The following ATRNL1 variants were observed in gnomAD, a reference collection of about 807,000 sequenced individuals.
ATRNL1 encodes the protein attractin like 1, also known as attractin-like protein 1.
Under a neutral mutation model 182.7 loss-of-function variants are expected in ATRNL1, and 95 were observed. That is an observed-to-expected ratio of 0.52 (90% confidence interval 0.44 to 0.62). The LOEUF is 0.62. Among genes scored for constraint, ATRNL1 ranks in the 20% least tolerant of loss-of-function variants. The probability of loss-of-function intolerance (pLI) is 0.00; values close to 1 mark genes in which losing one functional copy is unlikely to be tolerated. For synonymous variants in ATRNL1, 576 were observed against 568.3 expected, an observed-to-expected ratio of 1.01 and a Z score of -0.19; for missense variants, 1,471 against 1,679.5, an observed-to-expected ratio of 0.88 and a Z score of 2.17.
intron 20 of ATRNL1, among the ~76,000 whole-genome samples, chr10:115,397,065 A>T (rs1554955806): frequency 6.6e-6 from 1 of 151,896 alleles, no homozygotes; most frequent in East Asian, 1.9e-4. Context: ...GCTTTTGAGT[A>T]TGGAGCAATA....
At chr10:115,104,572 G>C (rs745549459) in intron 1 of ATRNL1, among the ~76,000 whole-genome samples, 18 of 151,858 alleles carry the variant, frequency 1.2e-4, no homozygotes, top group Non-Finnish European at 2.5e-4. Context: ...ATCCATTTTT[G>C]CTTTGGTTGC....
intron 27 of ATRNL1, among the ~76,000 whole-genome samples, chr10:115,814,640 C>G (rs1270761964): frequency 2.0e-5 from 3 of 152,126 alleles, no homozygotes; most frequent in Non-Finnish European, 4.4e-5. Flanking sequence ...CTTAACATTC[C>G]TGTCTCAGGA....
intron 19 of ATRNL1, among the ~76,000 whole-genome samples, chr10:115,393,062 AC>A (rs1434539878): frequency 2.0e-4 from 30 of 152,202 alleles, no homozygotes; most frequent in African/African-American, 7.2e-4. Context: ...GTGAAGTCCC[AC>A]TCATTAGGCT....
At chr10:115,848,709 C>T (rs1240833334) in intron 28 of ATRNL1, among the ~76,000 whole-genome samples, 1 of 152,206 alleles carries the variant, frequency 6.6e-6, no homozygotes. Flanking sequence ...ACTTAAATTA[C>T]AGACCACACT....
intron 25 of ATRNL1, among the ~76,000 whole-genome samples, chr10:115,538,001 A>C (rs2133775196): frequency 6.6e-6 from 1 of 152,208 alleles, no homozygotes; most frequent in Middle Eastern, 3.4e-3. Flanking sequence ...TGCATTTAAG[A>C]TTCATCCAAG....
intron 9 of ATRNL1, among the ~76,000 whole-genome samples, chr10:115,220,638 G>A (rs1485857718): frequency 6.8e-6 from 1 of 146,626 alleles, no homozygotes; most frequent in Non-Finnish European, 1.5e-5. Flanking sequence ...TTTGGCTAAG[G>A]TTTGTTTGTG....
At chr10:115,607,041 C>T (rs1228378019) in intron 26 of ATRNL1, among the ~76,000 whole-genome samples, 1 of 151,956 alleles carries the variant, frequency 6.6e-6, no homozygotes, top group Non-Finnish European at 1.5e-5. Context: ...TTCTCAATGA[C>T]TTTTTACTCA....
intron 28 of ATRNL1, among the ~76,000 whole-genome samples, chr10:115,935,369 T>C (rs1953525310): frequency 6.6e-6 from 1 of 152,314 alleles, no homozygotes. Flanking sequence ...AATCATAGTT[T>C]TTTTGTATTA....
intron 1 of ATRNL1, among the ~76,000 whole-genome samples, chr10:115,098,576 T>C (rs1270849): frequency 0.67 from 100,181 of 150,036 alleles, 34,083 homozygotes; most frequent in Non-Finnish European, 0.74. Context: ...ATTCTCCTGC[T>C]TCAGCCTCCC....
chr10:115,614,075 G>C (rs1555019942), intron 26 of ATRNL1, among the ~76,000 whole-genome samples: 1 of 151,372 alleles, frequency 6.6e-6, no homozygotes, highest in East Asian at 1.9e-4. Context: ...TTTTCTGTTT[G>C]GTTTCTTCTT....
intron 26 of ATRNL1, among the ~76,000 whole-genome samples, chr10:115,688,985 A>G (rs1447533523): frequency 6.6e-6 from 1 of 152,128 alleles, no homozygotes; most frequent in Non-Finnish European, 1.5e-5. Context: ...GTATGATGAG[A>G]GATAGGGGTC....
At chr10:115,669,494 C>G (rs1945627993) in intron 26 of ATRNL1, among the ~76,000 whole-genome samples, 1 of 152,082 alleles carries the variant, frequency 6.6e-6, no homozygotes. Flanking sequence ...TTCTTTGCAA[C>G]TGACATTCTA....
At chr10:115,503,817 T>A (rs954396164) in intron 24 of ATRNL1, among the ~76,000 whole-genome samples, 5 of 151,968 alleles carry the variant, frequency 3.3e-5, no homozygotes, top group Non-Finnish European at 5.9e-5. Flanking sequence ...ATTATAGGAC[T>A]AAATCTACCC....
intron 26 of ATRNL1, among the ~76,000 whole-genome samples, chr10:115,683,366 T>TTGAGG (rs1284277427): frequency 6.6e-6 from 1 of 151,946 alleles, no homozygotes; most frequent in Non-Finnish European, 1.5e-5. Context: ...AGTATTGAAT[T>TTGAGG]TATTGCCACT....
At chr10:115,303,413 T>TG (rs1347761171) in intron 17 of ATRNL1, among the ~76,000 whole-genome samples, 1 of 151,900 alleles carries the variant, frequency 6.6e-6, no homozygotes, top group African/African-American at 2.4e-5. Context: ...TTTTTAGAGA[T>TG]GGGGTTTCAC....
At chr10:115,517,378 C>T (rs1020356015) in intron 24 of ATRNL1, among the ~76,000 whole-genome samples, 9 of 151,764 alleles carry the variant, frequency 5.9e-5, no homozygotes, top group African/African-American at 2.2e-4. Flanking sequence ...TATCTTCTTA[C>T]AGTATTTTAT....
chr10:115,244,411 C>G (rs189390119), intron 10 of ATRNL1, among the ~76,000 whole-genome samples: 1 of 152,138 alleles, frequency 6.6e-6, no homozygotes, highest in East Asian at 1.9e-4. Flanking sequence ...CAATCATGCT[C>G]ATACCTTGGC....
chr10:115,402,919 C>CAA (rs1164578617), intron 20 of ATRNL1, among the ~76,000 whole-genome samples: 1 of 152,120 alleles, frequency 6.6e-6, no homozygotes, highest in African/African-American at 2.4e-5. Flanking sequence ...CAAAATTCTA[C>CAA]TTTACTAATA....
intron 19 of ATRNL1, among the ~76,000 whole-genome samples, chr10:115,382,893 C>A (rs1554951608): frequency 6.6e-6 from 1 of 151,672 alleles, no homozygotes; most frequent in African/African-American, 2.4e-5. Flanking sequence ...TATTTGTGCA[C>A]CCTTGTCAAG....
Sources: allele counts gnomAD v4.1 joint callset (sites outside exome capture counted in the v4.1 genomes callset), GRCh38; gene constraint gnomAD v4.1.1; transcripts MANE v1.5; gene names NCBI Gene and HGNC (gene_info 2026-07-23, HGNC 2026-07-21).